Variants in CDH13 observed in about 807,000 individuals in gnomAD.
CDH13 encodes the protein cadherin 13.
A neutral mutation model predicts 63.8 loss-of-function variants in CDH13; 24 were observed. The ratio of observed to expected loss-of-function variants is 0.38; its 90% confidence interval spans 0.27 to 0.53. The LOEUF is 0.53. CDH13 is among the 20% of genes least tolerant of loss of function. The probability of loss-of-function intolerance (pLI) is 0.85; values close to 1 mark genes in which losing one functional copy is unlikely to be tolerated. For missense variants in CDH13, 1,049 were observed against 903.1 expected (o/e 1.16, Z -2.07); for synonymous variants, 503 against 355.3 (o/e 1.42, Z -4.67).
intron 2 of CDH13, among the ~76,000 whole-genome samples, chr16:82,893,148 A>C (rs537839176): frequency 6.6e-6 from 1 of 152,378 alleles, no homozygotes; most frequent in South Asian, 2.1e-4. Flanking sequence ...CAAACAAACA[A>C]GCAAACCTCA....
At chr16:82,924,770 C>A (rs754789909) in intron 2 of CDH13, among the ~76,000 whole-genome samples, 5 of 152,022 alleles carry the variant, frequency 3.3e-5, no homozygotes, top group Non-Finnish European at 4.4e-5. Flanking sequence ...ATAAATAATG[C>A]CTGTGTGAAG....
chr16:83,383,373 T>C (rs2091607876), intron 6 of CDH13, among the ~76,000 whole-genome samples: 1 of 152,168 alleles, frequency 6.6e-6, no homozygotes, highest in African/African-American at 2.4e-5. Flanking sequence ...TAATCAAATT[T>C]GCAGCAAGAT....
At chr16:82,960,374 G>T (rs1352421380) in intron 2 of CDH13, among the ~76,000 whole-genome samples, 1 of 152,186 alleles carries the variant, frequency 6.6e-6, no homozygotes, top group African/African-American at 2.4e-5. Flanking sequence ...ATAATGGGAG[G>T]ACAGGGGTGG....
Position 83,202,152 on chromosome 16 carries a change from C to A in CDH13, c.484-15193C>A, listed in dbSNP as rs140035553. ...AGACTTCAAAGGTCCTCAGTCTCTC[C>A]CTGTCCCAATCCCAGGCTTCCGAAA... On this transcript the variant is annotated intron_variant, in intron 4 of 13. Transcript: ENST00000567109. Among the ~76,000 whole-genome samples, 428 of 152,274 alleles carry A rather than the reference C, an allele frequency of 2.8e-3. 1 individual carries two copies. The highest frequency in any genetic ancestry group is 9.7e-3 in the African/African-American group (402 of 41,566).
chr16:83,790,713 A>C (rs16961823), intron 13 of CDH13, among the ~76,000 whole-genome samples: 4 of 152,014 alleles, frequency 2.6e-5, no homozygotes, highest in African/African-American at 7.3e-5. Flanking sequence ...CGGTTGTTGT[A>C]GTATAAAGTG....
intron 6 of CDH13, among the ~76,000 whole-genome samples, chr16:83,478,762 C>A (rs922314236): frequency 6.8e-6 from 1 of 147,402 alleles, no homozygotes; most frequent in Non-Finnish European, 1.5e-5. Context: ...GCAGGGATTT[C>A]TTTAACAGTC....
At chr16:82,698,490 G>T (rs1055305270) in intron 1 of CDH13, among the ~76,000 whole-genome samples, 2 of 152,220 alleles carry the variant, frequency 1.3e-5, no homozygotes, top group Admixed American at 1.3e-4. Context: ...TCAGTTAGGT[G>T]GCTCTGCTGA....
At chr16:82,752,968 TAA>T (rs977070093) in intron 1 of CDH13, among the ~76,000 whole-genome samples, 10 of 152,338 alleles carry the variant, frequency 6.6e-5, no homozygotes, top group African/African-American at 2.4e-4. Flanking sequence ...AATACATTTG[TAA>T]AAGAGTTAAG....
intron 1 of CDH13, among the ~76,000 whole-genome samples, chr16:82,776,456 T>C (rs147993808): frequency 2.3e-4 from 35 of 151,924 alleles, no homozygotes; most frequent in Admixed American, 2.0e-4. Flanking sequence ...TTAGTGGGAG[T>C]CTCTGAATCT....
At chr16:83,563,245 T>G (rs2075738895) in intron 7 of CDH13, among the ~76,000 whole-genome samples, 1 of 152,252 alleles carries the variant, frequency 6.6e-6, no homozygotes, top group Non-Finnish European at 1.5e-5. Context: ...GAAGCATTAC[T>G]AAATTATGAC....
intron 1 of CDH13, among the ~76,000 whole-genome samples, chr16:82,828,164 C>T (rs987416251): frequency 6.6e-6 from 1 of 152,154 alleles, no homozygotes; most frequent in Admixed American, 6.6e-5. Context: ...ATCACAGAAC[C>T]ATTTCTGGAG....
intron 1 of CDH13, among the ~76,000 whole-genome samples, chr16:82,695,677 C>G (rs780220955): frequency 6.6e-6 from 1 of 152,178 alleles, no homozygotes; most frequent in Non-Finnish European, 1.5e-5. Context: ...AAGCCCCTAT[C>G]TGAATTCTTG....
intron 2 of CDH13, among the ~76,000 whole-genome samples, chr16:82,877,958 C>CACACACACACACAT (rs1555533795): frequency 2.1e-5 from 2 of 94,796 alleles, no homozygotes; most frequent in African/African-American, 7.4e-5. Flanking sequence ...CACACACACA[C>CACACACACACACAT]ACATATACAC....
rs75467074 is a variant in CDH13 at position 83,416,936 on chromosome 16, C to T, written c.782-69541C>T. Among the ~76,000 whole-genome samples the T allele has an allele frequency of 3.9e-5, 6 of 152,062 alleles. 1 individual carries two copies. In the South Asian group the frequency reaches 8.3e-4, roughly 21 times the overall value. On this transcript the variant is annotated intron_variant, in intron 6 of 13. Transcript: ENST00000567109. ...TGTGCAAAGTCTTTAGAACAGTGCC[C>T]GGCACATGTTAAGTACTGTTTAGCT... is the stretch of plus-strand genomic sequence containing the variant.
chr16:82,831,270 C>A (rs1366380836), intron 1 of CDH13, among the ~76,000 whole-genome samples: 1 of 152,156 alleles, frequency 6.6e-6, no homozygotes, highest in African/African-American at 2.4e-5. Flanking sequence ...ATTTCAGAAA[C>A]CCCAGGCCGA....
At chr16:83,769,409 G>A (rs1914613755) in intron 11 of CDH13, among the ~76,000 whole-genome samples, 1 of 152,174 alleles carries the variant, frequency 6.6e-6, no homozygotes, top group African/African-American at 2.4e-5. Flanking sequence ...CTGCAGCAGA[G>A]TCCAATTAAC....
At chr16:83,456,413 G>A (rs2073026697) in intron 6 of CDH13, among the ~76,000 whole-genome samples, 1 of 152,220 alleles carries the variant, frequency 6.6e-6, no homozygotes, top group Admixed American at 6.5e-5. Context: ...CCAAACTGGT[G>A]AGAAAGTTAC....
At chr16:82,704,544 A>G (rs983234373) in intron 1 of CDH13, among the ~76,000 whole-genome samples, 4 of 152,188 alleles carry the variant, frequency 2.6e-5, no homozygotes, top group African/African-American at 4.8e-5. Context: ...ATCAATAACC[A>G]CAGTGCCTTG....
chr16:83,360,937 T>C (rs1479244160), intron 6 of CDH13, among the ~76,000 whole-genome samples: 9 of 152,194 alleles, frequency 5.9e-5, no homozygotes, highest in African/African-American at 1.2e-4. Context: ...GTCTTTTTGG[T>C]AGAACAATTT....
Sources: gnomAD v4.1 joint callset for allele counts (sites outside exome capture counted in the v4.1 genomes callset) on GRCh38, gnomAD v4.1.1 for gene constraint, MANE v1.5 for transcripts, NCBI Gene and HGNC (gene_info 2026-07-23, HGNC 2026-07-21) for gene names.